Variants in STIL observed in about 807,000 individuals in gnomAD.
The protein encoded by STIL is STIL centriolar assembly protein.
In STIL, 55 loss-of-function variants were observed where a neutral mutation model predicts 110.1. The ratio of observed to expected loss-of-function variants is 0.50; its 90% CI spans 0.40 to 0.63. The LOEUF (loss-of-function observed/expected upper bound fraction) is 0.63. STIL is among the 20% of genes least tolerant of loss of function. The pLI, the probability that STIL is intolerant of heterozygous loss-of-function variation, is 0.00. For missense variants in STIL, 1,358 were observed against 1,530.0 expected (o/e 0.89, Z 1.87); for synonymous variants, 481 against 530.0 (o/e 0.91, Z 1.27).
chr1:47,256,546 G>C (rs1013791817), intron 16 of STIL, among the ~76,000 whole-genome samples: 2 of 151,458 alleles, frequency 1.3e-5, no homozygotes, highest in African/African-American at 4.9e-5. Flanking sequence ...GCTTGAACCT[G>C]GGGGGCGGAG....
intron 2 of STIL, among the ~76,000 whole-genome samples, chr1:47,308,783 G>A (rs1280569000): frequency 6.6e-6 from 1 of 152,144 alleles, no homozygotes; most frequent in African/African-American, 2.4e-5. Context: ...GCTGGGCACA[G>A]TGGCTCACAC....
chr1:47,313,824 G>C (rs1482660453), intron 1 of STIL, among the ~76,000 whole-genome samples: 2 of 152,142 alleles, frequency 1.3e-5, no homozygotes, highest in Non-Finnish European at 2.9e-5. Context: ...GCACGTTATC[G>C]ACTGCAAACC....
chr1:47,296,988 G>A (rs1645658819), intron 6 of STIL, among the ~76,000 whole-genome samples: 1 of 152,192 alleles, frequency 6.6e-6, no homozygotes, highest in African/African-American at 2.4e-5. Flanking sequence ...CAATGACACA[G>A]CTGCTTTAAA....
chr1:47,267,351 G>A (rs1299381248), intron 14 of STIL, among the ~76,000 whole-genome samples: 2 of 152,064 alleles, frequency 1.3e-5, no homozygotes, highest in Admixed American at 1.3e-4. Flanking sequence ...CTAGTTTTGT[G>A]GTAGCACGTA....
chr1:47,280,745 T>C lies in STIL; in HGVS notation c.1713A>G (p.Pro571=). Residue 571 remains proline (P), a synonymous_variant, in exon 12 of 17, where the codon CCA becomes CCG. Transcript: ENST00000371877. ...RQSSLAPQSQ[P]HDFVFSPHNS... is the part of the protein sequence containing the mutation. ...TATGGGGTGAAAAAACAAAATCGTG[T>C]GGTTGGGACTGCGGGGCAAGAGAAG... is the stretch of plus-strand genomic sequence containing the variant. The C allele has an allele frequency of 6.2e-7, 1 of 1,613,900 alleles. No homozygotes were observed. Among genetic ancestry groups the C allele is most frequent in the South Asian group, 1.1e-5 (1 of 91,072 alleles).
chr1:47,274,808 T>C (rs369335739), intron 12 of STIL, among the ~76,000 whole-genome samples: 67 of 85,384 alleles, frequency 7.8e-4, no homozygotes, highest in Admixed American at 2.5e-3. Flanking sequence ...TGGAGCAGAC[T>C]ATAGTTCAGA....
At chr1:47,261,342 G>T (rs1218179088) in intron 15 of STIL, among the ~76,000 whole-genome samples, 1 of 151,202 alleles carries the variant, frequency 6.6e-6, no homozygotes, top group African/African-American at 2.4e-5. Context: ...GAGCTGAGAT[G>T]GCGCCACTGT....
At chr1:47,297,300 G>A (rs557956735) in intron 6 of STIL, among the ~76,000 whole-genome samples, 4 of 151,092 alleles carry the variant, frequency 2.6e-5, no homozygotes, top group East Asian at 2.0e-4. Context: ...AGCTGAGATC[G>A]TGCCACTGCA....
intron 8 of STIL, among the ~76,000 whole-genome samples, chr1:47,289,927 G>A (rs1037006537): frequency 2.6e-5 from 3 of 113,394 alleles, no homozygotes; most frequent in South Asian, 5.4e-4. Context: ...GACAGAGCAA[G>A]ACTCCGTCTC....
chr1:47,293,656 A>T, intron 7 of STIL, 112 bp from the exon 8 acceptor site: 1 of 838,684 alleles, frequency 1.2e-6, no homozygotes, highest in South Asian at 1.5e-5. Flanking sequence ...CCATACATTA[A>T]AAAGCCTTAG....
At chr1:47,275,240 T>TA (rs78773079) in intron 12 of STIL, among the ~76,000 whole-genome samples, 179 of 146,720 alleles carry the variant, frequency 1.2e-3, no homozygotes, top group Non-Finnish European at 1.7e-3. Context: ...TCATCTGATT[T>TA]AAAAAAAAAA....
chr1:47,277,732 T>C (rs1407490828), intron 12 of STIL, among the ~76,000 whole-genome samples: 2 of 152,092 alleles, frequency 1.3e-5, no homozygotes, highest in Non-Finnish European at 2.9e-5. Flanking sequence ...TAGTAATAGT[T>C]AACATATACT....
At chr1:47,277,291 G>A (rs1054347482) in intron 12 of STIL, among the ~76,000 whole-genome samples, 3 of 152,170 alleles carry the variant, frequency 2.0e-5, no homozygotes, top group Non-Finnish European at 2.9e-5. Context: ...CAGCTGAAGT[G>A]TAGTGAACAC....
chr1:47,284,485 A>G (rs1221095354), intron 10 of STIL, among the ~76,000 whole-genome samples: 2 of 152,132 alleles, frequency 1.3e-5, no homozygotes, highest in African/African-American at 4.8e-5. Flanking sequence ...CAGCCTTCTG[A>G]GTAGCTTTTA....
At chr1:47,290,802 G>T (rs1195879068) in intron 8 of STIL, among the ~76,000 whole-genome samples, 1 of 152,044 alleles carries the variant, frequency 6.6e-6, no homozygotes, top group African/African-American at 2.4e-5. Flanking sequence ...CATTGGAAAA[G>T]TTTATTTTTC....
chr1:47,293,620 C>G, intron 7 of STIL, 76 bp from the exon 8 acceptor site: 1 of 1,228,518 alleles, frequency 8.1e-7, no homozygotes, highest in Non-Finnish European at 1.2e-6. Flanking sequence ...CCTAAGATAA[C>G]AAAGTAGACG....
chr1:47,287,508 AT>A, intron 10 of STIL, 42 bp downstream of exon 10: 2 of 1,299,418 alleles, frequency 1.5e-6, no homozygotes, highest in Non-Finnish European at 2.2e-6. Flanking sequence ...AATAAATATA[AT>A]TTTTAAAAAA....
chr1:47,272,319 A>T (rs902659852), intron 12 of STIL, 78 bp from the exon 13 acceptor site: 3 of 1,469,970 alleles, frequency 2.0e-6, no homozygotes, highest in Non-Finnish European at 2.8e-6. Flanking sequence ...AATGAATTAC[A>T]AAGCGCCCTA....
chr1:47,271,339 T>C (rs976289183), intron 13 of STIL, among the ~76,000 whole-genome samples: 2 of 151,968 alleles, frequency 1.3e-5, no homozygotes, highest in Admixed American at 1.3e-4. Flanking sequence ...TTTGGGAGGC[T>C]GAGGTGGGTG....
Sources: gnomAD v4.1 joint callset for allele counts (sites outside exome capture counted in the v4.1 genomes callset) on GRCh38, gnomAD v4.1.1 for gene constraint, MANE v1.5 for transcripts, NCBI Gene and HGNC (gene_info 2026-07-23, HGNC 2026-07-21) for gene names.